The following MYOF variants were observed in gnomAD, a reference collection of about 807,000 sequenced individuals.
MYOF encodes fer-1-like 3, myoferlin.
A neutral mutation model predicts 284.2 loss-of-function variants in MYOF; 244 were observed. The observed-to-expected ratio is 0.86, with a 90% CI of 0.77 to 0.95. The LOEUF is 0.95. Among genes scored for constraint, MYOF ranks in the 40% least tolerant of loss-of-function variants. The probability of loss-of-function intolerance (pLI) is 0.00; values close to 1 mark genes in which losing one functional copy is unlikely to be tolerated. For synonymous variants in MYOF, 904 were observed against 919.7 expected (o/e 0.98, Z 0.31); for missense variants, 2,496 against 2,560.6 (o/e 0.97, Z 0.54).
intron 43 of MYOF, among the ~76,000 whole-genome samples, chr10:93,332,649 C>G (rs528987266): frequency 5.9e-5 from 9 of 151,710 alleles, no homozygotes; most frequent in Admixed American, 4.6e-4. Context: ...ATTGAGACCA[C>G]CCTGGCTAAC....
At chr10:93,341,921 T>C in intron 38 of MYOF, 3 of 1,289,858 alleles carry the variant, frequency 2.3e-6, no homozygotes, top group South Asian at 2.5e-5. Flanking sequence ...ACATGCACTG[T>C]CGCTGGAGAA....
intron 1 of MYOF, among the ~76,000 whole-genome samples, chr10:93,474,752 T>G (rs1206949699): frequency 6.6e-6 from 1 of 151,692 alleles, no homozygotes; most frequent in African/African-American, 2.4e-5. Flanking sequence ...AAGCTGATTT[T>G]TTTTTTTTTT....
chr10:93,466,737 G>A (rs2057016915), intron 1 of MYOF, among the ~76,000 whole-genome samples: 1 of 152,214 alleles, frequency 6.6e-6, no homozygotes, highest in Non-Finnish European at 1.5e-5. Context: ...ACTTTGGGAG[G>A]CCAGAGGTGG....
At chr10:93,392,054 G>A (rs184728965) in intron 17 of MYOF, among the ~76,000 whole-genome samples, 1,883 of 151,534 alleles carry the variant, frequency 0.012, 39 homozygotes, top group African/African-American at 0.042. Context: ...ACAAATAAAG[G>A]AATAAAGTGC....
At chr10:93,462,927 C>T (rs978286762) in intron 1 of MYOF, among the ~76,000 whole-genome samples, 5 of 152,112 alleles carry the variant, frequency 3.3e-5, no homozygotes, top group Non-Finnish European at 7.4e-5. Flanking sequence ...CAACCTGGCT[C>T]CTGCGTCTAA....
intron 32 of MYOF, among the ~76,000 whole-genome samples, chr10:93,352,293 A>G (rs1844563246): frequency 6.6e-6 from 1 of 152,224 alleles, no homozygotes; most frequent in African/African-American, 2.4e-5. Flanking sequence ...AGAGGATGAA[A>G]TGATATAAGG....
Position 93,397,381 on chromosome 10 carries a change from G to C in MYOF, c.1290+7C>G. 6.2e-7 allele frequency: 1 copy of C among 1,609,264 alleles called. No homozygotes were observed. Among genetic ancestry groups the C allele is most frequent in the Non-Finnish European group, 8.5e-7 (1 of 1,178,232 alleles). ...CTTACTTTTTCAGAAAGAAAATAAA[G>C]TCAAACCTTGATCTGAAGATTGACG... On this transcript the variant is annotated splice_region_variant and intron_variant, in intron 14 of 53. Coordinates refer to ENST00000359263, the MANE Select transcript of MYOF (RefSeq NM_013451.4).
intron 29 of MYOF, among the ~76,000 whole-genome samples, chr10:93,359,524 T>C (rs1844968974): frequency 6.6e-6 from 1 of 152,228 alleles, no homozygotes; most frequent in Non-Finnish European, 1.5e-5. Flanking sequence ...ATCATTTCCA[T>C]TTAACACCTC....
intron 38 of MYOF, chr10:93,342,001 A>G (rs946488752): frequency 8.6e-6 from 11 of 1,277,058 alleles, no homozygotes; most frequent in Admixed American, 2.3e-5. Context: ...TGAGATGGCC[A>G]TGTACACATG....
chr10:93,312,012 T>C (rs1436949620), intron 51 of MYOF, among the ~76,000 whole-genome samples: 1 of 152,138 alleles, frequency 6.6e-6, no homozygotes, highest in South Asian at 2.1e-4. Context: ...TGGATCTTGA[T>C]TATGGTTCAG....
chr10:93,336,072 T>A, intron 40 of MYOF, 26 bp from the exon 41 acceptor site: 1 of 1,608,316 alleles, frequency 6.2e-7, no homozygotes, highest in Non-Finnish European at 8.5e-7. Flanking sequence ...AGAGTCTTAA[T>A]TTCTCATTAA....
chr10:93,477,832 G>A (rs1369975956), intron 1 of MYOF, among the ~76,000 whole-genome samples: 1 of 152,180 alleles, frequency 6.6e-6, no homozygotes, highest in East Asian at 1.9e-4. Context: ...GGGTGACAGA[G>A]CGAGACTCCA....
At chr10:93,316,282 T>G (rs114300011) in intron 50 of MYOF, among the ~76,000 whole-genome samples, 1,954 of 151,024 alleles carry the variant, frequency 0.013, 42 homozygotes, top group African/African-American at 0.044. Flanking sequence ...AAGGGTGCAT[T>G]GAACTAGTGC....
At chr10:93,463,394 ATTTTT>A (rs1554872325) in intron 1 of MYOF, among the ~76,000 whole-genome samples, 12 of 78,928 alleles carry the variant, frequency 1.5e-4, no homozygotes, top group African/African-American at 4.8e-4. Context: ...GTCTCTACAA[ATTTTT>A]TTTTTTTTTT....
In MYOF at chr10:93,447,309, C is replaced by A. The variant is rs74150239; in HGVS notation, c.236+4741G>T. ...CTTCACTTACAGCCCCTTTACCTCC[C>A]TTCCTTAAGGGCATGACTAGTGTAA... On this transcript the variant is annotated intron_variant, in intron 3 of 53. Coordinates refer to ENST00000359263, the MANE Select transcript of MYOF (RefSeq NM_013451.4). Among the ~76,000 whole-genome samples, 843 of 152,232 alleles carry A rather than the reference C, an allele frequency of 5.5e-3. 10 individuals carry two copies. The highest frequency in any genetic ancestry group is 0.02 in the African/African-American group (820 of 41,554).
At chr10:93,400,329 C>CTTT (rs1163947322) in intron 12 of MYOF, among the ~76,000 whole-genome samples, 5 of 98,716 alleles carry the variant, frequency 5.1e-5, no homozygotes, top group South Asian at 2.9e-4. Context: ...TCTTCTTCTT[C>CTTT]TTTTTTTTTT....
At chr10:93,329,875 C>T (rs897376134) in intron 43 of MYOF, 41 bp from the exon 44 acceptor site, 1 of 1,602,128 alleles carries the variant, frequency 6.2e-7, no homozygotes, top group Non-Finnish European at 8.5e-7. Context: ...CATGATCCAT[C>T]TGAGTACCTC....
intron 51 of MYOF, among the ~76,000 whole-genome samples, chr10:93,311,220 TCTCATGTAATG>T: frequency 6.6e-6 from 1 of 152,280 alleles, no homozygotes; most frequent in African/African-American, 2.4e-5. Context: ...ACATGGGTTA[TCTCATGTAATG>T]CTCATGGCAA....
At chr10:93,364,325 C>T (rs767707929) in intron 26 of MYOF, among the ~76,000 whole-genome samples, 1 of 152,260 alleles carries the variant, frequency 6.6e-6, no homozygotes, top group South Asian at 2.1e-4. Flanking sequence ...GTTGCTCCTT[C>T]TCAGTAATGA....
Sources: gnomAD v4.1 joint callset for allele counts (sites outside exome capture counted in the v4.1 genomes callset) on GRCh38, gnomAD v4.1.1 for gene constraint, MANE v1.5 for transcripts, NCBI Gene and HGNC (gene_info 2026-07-23, HGNC 2026-07-21) for gene names.